The following DCC variants were observed in gnomAD, a reference collection of about 807,000 sequenced individuals.
DCC encodes the protein DCC netrin 1 receptor, also known as netrin receptor DCC.
Under a neutral mutation model 172.5 loss-of-function variants are expected in DCC, and 58 were observed. That is an observed-to-expected ratio of 0.34 (90% CI 0.27 to 0.42). DCC has a LOEUF of 0.42. DCC is among the 10% of genes least tolerant of loss of function. The pLI, the probability that DCC is intolerant of heterozygous loss-of-function variation, is 1.00. For missense variants in DCC, 1,740 were observed against 1,791.0 expected, an observed-to-expected ratio of 0.97 and a Z score of 0.51; for synonymous variants, 709 against 644.5, an observed-to-expected ratio of 1.10 and a Z score of -1.52.
At chr18:53,402,950 C>T in intron 19 of DCC, 57 bp downstream of exon 19, 2 of 1,248,054 alleles carry the variant, frequency 1.6e-6, no homozygotes, top group East Asian at 2.3e-5. Flanking sequence ...TAATTGCTTA[C>T]CCCCTACATG....
At chr18:52,831,435 G>A (rs1265051513) in intron 2 of DCC, among the ~76,000 whole-genome samples, 2 of 152,124 alleles carry the variant, frequency 1.3e-5, no homozygotes, top group Non-Finnish European at 1.5e-5. Flanking sequence ...GTGAATGCAG[G>A]GAAGCCAGTT....
chr18:53,371,044 G>A (rs1007223673), intron 15 of DCC, among the ~76,000 whole-genome samples: 4 of 151,832 alleles, frequency 2.6e-5, no homozygotes, highest in Non-Finnish European at 4.4e-5. Context: ...AAGTCTTTTA[G>A]AAATTATAGC....
At chr18:52,590,614 G>A (rs2033778436) in intron 1 of DCC, among the ~76,000 whole-genome samples, 1 of 152,180 alleles carries the variant, frequency 6.6e-6, no homozygotes. Flanking sequence ...TCTTGCAGTT[G>A]TGATTCTTGG....
chr18:53,074,497 G>A (rs1443594314), intron 7 of DCC, among the ~76,000 whole-genome samples: 1 of 152,146 alleles, frequency 6.6e-6, no homozygotes, highest in African/African-American at 2.4e-5. Context: ...AGAAGATACA[G>A]AGCCAAGTTT....
At chr18:53,111,337 CATGTATACAT>C (rs1242793663) in intron 7 of DCC, among the ~76,000 whole-genome samples, 1 of 149,032 alleles carries the variant, frequency 6.7e-6, no homozygotes, top group African/African-American at 2.5e-5. Context: ...CAACATGGCA[CATGTATACAT>C]ATGTAACTAA....
intron 1 of DCC, among the ~76,000 whole-genome samples, chr18:52,547,228 C>G (rs947149625): frequency 1.3e-5 from 2 of 152,170 alleles, no homozygotes; most frequent in Non-Finnish European, 2.9e-5. Flanking sequence ...GCAAGCTGCT[C>G]TATGCACTTA....
intron 9 of DCC, among the ~76,000 whole-genome samples, chr18:53,202,633 G>A (rs188473579): frequency 6.6e-6 from 1 of 152,232 alleles, no homozygotes; most frequent in East Asian, 1.9e-4. Context: ...CTCCCCATGG[G>A]TTGCTTATTA....
chr18:53,335,362 C>CGGAGAGGAAAGA lies in DCC; in HGVS notation c.2165-4351_2165-4350insGGAGAGGAAAGA, dbSNP rs2057580203. Among the ~76,000 whole-genome samples the CGGAGAGGAAAGA allele has an allele frequency of 2.8e-4, 42 of 152,212 alleles. No homozygotes were observed. In the South Asian group the frequency reaches 6.8e-3, roughly 25 times the overall value. On this transcript the variant is annotated intron_variant, in intron 14 of 28. Coordinates refer to ENST00000442544, the MANE Select transcript of DCC (RefSeq NM_005215.4). ...GGACTTATGTTTTGTCTTTCCTCTC[C>CGGAGAGGAAAGA]CACCACTATATTTTTAGTACCTAGA...
intron 1 of DCC, among the ~76,000 whole-genome samples, chr18:52,428,334 C>T (rs1987511205): frequency 6.6e-6 from 1 of 152,058 alleles, no homozygotes; most frequent in African/African-American, 2.4e-5. Flanking sequence ...AGTGTGTCTA[C>T]TCCGTTAGTA....
At chr18:52,895,402 A>G (rs991588226) in intron 2 of DCC, among the ~76,000 whole-genome samples, 1 of 152,218 alleles carries the variant, frequency 6.6e-6, no homozygotes, top group Non-Finnish European at 1.5e-5. Flanking sequence ...ATTATTGTCA[A>G]AGCTTGTAGA....
At chr18:52,478,602 T>C (rs1046001077) in intron 1 of DCC, among the ~76,000 whole-genome samples, 4 of 152,194 alleles carry the variant, frequency 2.6e-5, no homozygotes, top group Non-Finnish European at 5.9e-5. Flanking sequence ...ACAGGAAGCA[T>C]GCTGTTGGCA....
At chr18:53,064,515 T>C (rs1023104629) in intron 6 of DCC, among the ~76,000 whole-genome samples, 1 of 152,136 alleles carries the variant, frequency 6.6e-6, no homozygotes, top group African/African-American at 2.4e-5. Flanking sequence ...ACAAGCTCTC[T>C]CCATCGTATT....
chr18:52,643,136 A>C (rs529442489), intron 1 of DCC, among the ~76,000 whole-genome samples: 256 of 152,320 alleles, frequency 1.7e-3, no homozygotes, highest in African/African-American at 6.0e-3. Flanking sequence ...AAAAAGCTTC[A>C]AAAAAGGGAG....
chr18:53,309,964 G>GTATATATATATATATATATATA (rs56355500), intron 13 of DCC, among the ~76,000 whole-genome samples: 4 of 137,350 alleles, frequency 2.9e-5, no homozygotes, highest in African/African-American at 5.4e-5. Flanking sequence ...ATACGTGTGT[G>GTATATATATATATATATATATA]TATATATATA....
At chr18:52,369,008 C>T (rs2144292214) in intron 1 of DCC, among the ~76,000 whole-genome samples, 2 of 152,252 alleles carry the variant, frequency 1.3e-5, no homozygotes, top group Middle Eastern at 6.8e-3. Flanking sequence ...TGTGTTTCTA[C>T]CTGTTATAGT....
intron 1 of DCC, among the ~76,000 whole-genome samples, chr18:52,674,798 T>G (rs2035620979): frequency 6.6e-6 from 1 of 152,196 alleles, no homozygotes; most frequent in Non-Finnish European, 1.5e-5. Flanking sequence ...TGAACGGACT[T>G]TCTCCTCAGC....
In DCC at chr18:52,769,263, G is replaced by A. The variant is rs190047272; in HGVS notation, c.412+16889G>A. On this transcript the variant is annotated intron_variant, in intron 2 of 28. Coordinates refer to ENST00000442544, the MANE Select transcript of DCC (RefSeq NM_005215.4). ...TTGATGTCAGTGTTCTGACTTTTGG[G>A]CATTCTAATTAGACGCATAGTGGTA... Among the ~76,000 whole-genome samples, 98 of 152,216 alleles carry A rather than the reference G, an allele frequency of 6.4e-4. 1 individual carries two copies. The highest frequency in any genetic ancestry group is 3.3e-4 in the Admixed American group (5 of 15,294).
chr18:52,587,305 A>G (rs1354986544), intron 1 of DCC, among the ~76,000 whole-genome samples: 1 of 152,122 alleles, frequency 6.6e-6, no homozygotes, highest in Non-Finnish European at 1.5e-5. Flanking sequence ...CATCCCTACT[A>G]CCATGGCCAC....
intron 1 of DCC, among the ~76,000 whole-genome samples, chr18:52,544,268 G>A (rs888246699): frequency 6.6e-6 from 1 of 152,072 alleles, no homozygotes; most frequent in Non-Finnish European, 1.5e-5. Context: ...TGCTGTCATT[G>A]GCTCTTCCCG....
Sources: allele counts gnomAD v4.1 joint callset (sites outside exome capture counted in the v4.1 genomes callset), GRCh38; gene constraint gnomAD v4.1.1; transcripts MANE v1.5; gene names NCBI Gene and HGNC (gene_info 2026-07-23, HGNC 2026-07-21).